The following ARF4 variants were observed in gnomAD, a reference collection of about 807,000 sequenced individuals.
The protein encoded by ARF4 is ADP-ribosylation factor 4.
A neutral mutation model predicts 24.3 loss-of-function variants in ARF4; 5 were observed. The observed-to-expected ratio is 0.21, with a 90% CI of 0.11 to 0.43. ARF4 has a LOEUF of 0.43. Among genes scored for constraint, ARF4 ranks in the 20% least tolerant of loss-of-function variants. The probability of loss-of-function intolerance (pLI) is 1.00; values close to 1 mark genes in which losing one functional copy is unlikely to be tolerated. For missense variants in ARF4, 107 were observed against 213.0 expected (o/e 0.50, Z 3.10); for synonymous variants, 62 against 73.5 (o/e 0.84, Z 0.80).
chr3:57,572,324 T>A (rs746446437), intron 5 of ARF4, 26 bp from the exon 6 acceptor site: 5 of 1,554,818 alleles, frequency 3.2e-6, no homozygotes, highest in Non-Finnish European at 4.4e-6. Context: ...AAGAAAATAC[T>A]TGATTAACAA....
chr3:57,597,061 G>T lies in ARF4; in HGVS notation c.67+13C>A. The T allele has an allele frequency of 1.9e-6, 3 of 1,613,464 alleles. No individual in the cohort carries two copies. The highest frequency in any genetic ancestry group is 2.5e-6 in the Non-Finnish European group (3 of 1,179,462). On this transcript the variant is annotated intron_variant, in intron 1 of 5. Coordinates refer to ENST00000303436, the MANE Select transcript of ARF4 (RefSeq NM_001660.4). Reference sequence around the variant, plus strand: ...TTTCCCAGGTCCCGCCTGACTCGCAGCCCCTCACTCACCCATCAAAATGCG... The same window carrying T: ...TTTCCCAGGTCCCGCCTGACTCGCATCCCCTCACTCACCCATCAAAATGCG...
At chr3:57,589,650 G>A (rs1413387144) in intron 1 of ARF4, among the ~76,000 whole-genome samples, 2 of 151,428 alleles carry the variant, frequency 1.3e-5, no homozygotes, top group South Asian at 2.1e-4. Context: ...CCCGGGAGGT[G>A]GAGGTTACAG....
chr3:57,586,343 A>T (rs1488976614), intron 1 of ARF4, among the ~76,000 whole-genome samples: 1 of 152,228 alleles, frequency 6.6e-6, no homozygotes, highest in Non-Finnish European at 1.5e-5. Flanking sequence ...CTAGTAAGTT[A>T]AAAAAGAGCT....
At chr3:57,580,415 A>G (rs950590923) in intron 3 of ARF4, among the ~76,000 whole-genome samples, 1 of 151,834 alleles carries the variant, frequency 6.6e-6, no homozygotes, top group African/African-American at 2.4e-5. Context: ...CTTTTTTTCA[A>G]AAAAGAGGCA....
At chr3:57,573,052 A>C (rs1193571069) in intron 5 of ARF4, among the ~76,000 whole-genome samples, 2 of 151,660 alleles carry the variant, frequency 1.3e-5, no homozygotes, top group Non-Finnish European at 2.9e-5. Flanking sequence ...AATACAAAAA[A>C]TTAGCCGGGC....
At chr3:57,591,542 C>A (rs545342826) in intron 1 of ARF4, among the ~76,000 whole-genome samples, 1 of 151,516 alleles carries the variant, frequency 6.6e-6, no homozygotes. Context: ...TCTCAGCTCA[C>A]TGCAACCTCC....
At chr3:57,588,139 A>T (rs899053412) in intron 1 of ARF4, among the ~76,000 whole-genome samples, 9 of 152,224 alleles carry the variant, frequency 5.9e-5, no homozygotes, top group African/African-American at 2.2e-4. Context: ...TAATCTGTAT[A>T]GCCCAGCAAT....
chr3:57,593,802 G>A (rs754783229), intron 1 of ARF4, among the ~76,000 whole-genome samples: 2 of 152,152 alleles, frequency 1.3e-5, no homozygotes, highest in Non-Finnish European at 2.9e-5. Flanking sequence ...TTTCGAGGCC[G>A]AGGTGGGCGG....
intron 1 of ARF4, among the ~76,000 whole-genome samples, chr3:57,586,016 T>C (rs1170226558): frequency 1.3e-5 from 2 of 152,140 alleles, no homozygotes; most frequent in Non-Finnish European, 2.9e-5. Flanking sequence ...AGGAATGTGT[T>C]TGCTTGTGAA....
At chr3:57,586,897 T>C (rs577367376) in intron 1 of ARF4, among the ~76,000 whole-genome samples, 1 of 152,150 alleles carries the variant, frequency 6.6e-6, no homozygotes, top group South Asian at 2.1e-4. Context: ...AGTTCAAATA[T>C]GATTAAGCCA....
At chr3:57,592,214 C>A (rs2070124195) in intron 1 of ARF4, among the ~76,000 whole-genome samples, 1 of 152,102 alleles carries the variant, frequency 6.6e-6, no homozygotes, top group Non-Finnish European at 1.5e-5. Flanking sequence ...TTTGGCCAGG[C>A]ACGGTGACTC....
intron 3 of ARF4, among the ~76,000 whole-genome samples, chr3:57,580,969 G>T (rs1053248111): frequency 6.6e-6 from 1 of 151,978 alleles, no homozygotes; most frequent in Non-Finnish European, 1.5e-5. Context: ...TTGAGAAGGA[G>T]AATTATTTTA....
At chr3:57,585,099 A>T (rs1475023371) in intron 1 of ARF4, among the ~76,000 whole-genome samples, 2 of 152,082 alleles carry the variant, frequency 1.3e-5, no homozygotes, top group African/African-American at 4.8e-5. Flanking sequence ...CCTGGCCTCA[A>T]GTGATCTGCC....
intron 3 of ARF4, among the ~76,000 whole-genome samples, chr3:57,579,413 G>C (rs1382691931): frequency 6.6e-6 from 1 of 151,768 alleles, no homozygotes; most frequent in Non-Finnish European, 1.5e-5. Context: ...TCAGCCTCCT[G>C]AGTAGCTGAG....
At chr3:57,595,235 G>T (rs1378884939) in intron 1 of ARF4, among the ~76,000 whole-genome samples, 1 of 151,988 alleles carries the variant, frequency 6.6e-6, no homozygotes, top group Non-Finnish European at 1.5e-5. Flanking sequence ...AAAGACTAAG[G>T]AATTGAAAAA....
At chr3:57,575,526 A>G (rs753339388) in intron 5 of ARF4, 22 bp downstream of exon 5, 7 of 1,601,622 alleles carry the variant, frequency 4.4e-6, no homozygotes, top group Non-Finnish European at 6.0e-6. Context: ...CAAGAGGTTA[A>G]TATCAACCTC....
chr3:57,589,534 G>C (rs1161964539), intron 1 of ARF4, among the ~76,000 whole-genome samples: 1 of 149,782 alleles, frequency 6.7e-6, no homozygotes, highest in East Asian at 2.0e-4. Flanking sequence ...CCTGGCCAAC[G>C]TGGTGAAACC....
chr3:57,583,231 T>G (rs1212858446), intron 3 of ARF4, among the ~76,000 whole-genome samples: 1 of 152,182 alleles, frequency 6.6e-6, no homozygotes, highest in Admixed American at 6.5e-5. Context: ...TTTTAACAAA[T>G]ACCCAGGTGA....
chr3:57,572,430 C>T (rs750635537), intron 5 of ARF4, 132 bp from the exon 6 acceptor site: 25 of 646,444 alleles, frequency 3.9e-5, no homozygotes, highest in Non-Finnish European at 6.5e-5. Flanking sequence ...ATATTTAAAG[C>T]TACTTCTGGC....
Sources: allele counts gnomAD v4.1 joint callset (sites outside exome capture counted in the v4.1 genomes callset), GRCh38; gene constraint gnomAD v4.1.1; transcripts MANE v1.5; gene names NCBI Gene and HGNC (gene_info 2026-07-23, HGNC 2026-07-21).